The following SRSF11 variants were observed in gnomAD, a reference collection of about 807,000 sequenced individuals.
The protein encoded by SRSF11 is serine and arginine rich splicing factor 11, also known as serine/arginine-rich splicing factor 11.
Under a neutral mutation model 56.0 loss-of-function variants are expected in SRSF11, and 9 were observed. The ratio of observed to expected loss-of-function variants is 0.16; its 90% CI spans 0.10 to 0.28. SRSF11 has a LOEUF of 0.28. SRSF11 is among the 10% of genes least tolerant of loss of function. The pLI, the probability that SRSF11 is intolerant of heterozygous loss-of-function variation, is 1.00. For synonymous variants in SRSF11, 222 were observed against 215.3 expected (o/e 1.03, Z -0.27); for missense variants, 421 against 600.7 (o/e 0.70, Z 3.13).
chr1:70,228,434 G>T lies in SRSF11; in HGVS notation c.216G>T (p.Leu72Phe), dbSNP rs1475436202. Residue 72 changes from leucine to phenylalanine, a missense_variant, in exon 2 of 12, where the codon TTG becomes TTT. Physicochemically the swap from Leu to Phe is conservative, Grantham distance 22 (BLOSUM62 0). Coordinates refer to ENST00000370949, the MANE Select transcript of SRSF11 (RefSeq NM_001350605.2). ...GTTTATTTTTTAGTGATTCGCCTTTGCCAGTCTCATCTCGTGTCTGCTTTG... is the reference window on the plus strand; with the variant it reads ...GTTTATTTTTTAGTGATTCGCCTTTTCCAGTCTCATCTCGTGTCTGCTTTG... ...LRLFPPDDSP[L>F]PVSSRVCFVK... 2 of 1,608,430 alleles carry T rather than the reference G, an allele frequency of 1.2e-6. No homozygotes were observed. Among genetic ancestry groups the T allele is most frequent in the Non-Finnish European group, 1.7e-6 (2 of 1,177,452 alleles).
At position 70,221,627 on chromosome 1, in the gene SRSF11, G is replaced by C. The variant is rs566555479; in HGVS notation, c.-10G>C. On this transcript the variant is annotated 5_prime_UTR_variant, in exon 1 of 12. Coordinates refer to ENST00000370949, the MANE Select transcript of SRSF11 (RefSeq NM_001350605.2). ...TGTGTTAAAGCAGGAGCGAGAACCCGAGCAGCGCCATGAGCAACACTACCG... is the reference window on the plus strand; with the variant it reads ...TGTGTTAAAGCAGGAGCGAGAACCCCAGCAGCGCCATGAGCAACACTACCG... 33 of 1,606,438 alleles carry C rather than the reference G, an allele frequency of 2.1e-5. No homozygotes were observed. In the South Asian group the frequency reaches 3.1e-4, roughly 15 times the overall value.
chr1:70,233,218 T>G (rs940531134), intron 3 of SRSF11, among the ~76,000 whole-genome samples: 7 of 152,086 alleles, frequency 4.6e-5, no homozygotes, highest in Non-Finnish European at 1.0e-4. Context: ...TTGTTTTGTT[T>G]TTTTTTGTTT....
intron 1 of SRSF11, among the ~76,000 whole-genome samples, chr1:70,222,079 C>T (rs1376229549): frequency 6.6e-6 from 1 of 151,614 alleles, no homozygotes; most frequent in Non-Finnish European, 1.5e-5. Context: ...TTTTTTTTTC[C>T]GCCTTAAATT....
intron 10 of SRSF11, 50 bp from the exon 11 acceptor site, chr1:70,250,315 A>T: frequency 2.5e-6 from 4 of 1,596,304 alleles, no homozygotes; most frequent in Non-Finnish European, 3.4e-6. Context: ...AGTCAGGCTC[A>T]TCATCTAAAC....
chr1:70,221,397 C>A lies in SRSF11; in HGVS notation c.-240C>A. 1 of 528,916 alleles carries A rather than the reference C, an allele frequency of 1.9e-6. No individual in the cohort carries two copies. Among genetic ancestry groups the A allele is most frequent in the South Asian group, 2.6e-5 (1 of 37,962 alleles). The allele number at this position is 528,916 out of a possible 1,614,324, so 32.8% of individuals were successfully genotyped here. ...GGCCCGCTAGTGTCGTGGTTGGAGG[C>A]GAGGTGGGGCGGCCGTTTGTTTTCT... is the stretch of plus-strand genomic sequence containing the variant. On this transcript the variant is annotated 5_prime_UTR_variant, in exon 1 of 12. Transcript: ENST00000370949.
intron 1 of SRSF11, among the ~76,000 whole-genome samples, chr1:70,206,512 C>T (rs915828034): frequency 5.3e-5 from 8 of 152,046 alleles, no homozygotes; most frequent in African/African-American, 1.7e-4. Context: ...AAATTTTCAT[C>T]TGAAATGTAC....
At chr1:70,206,418 C>T (rs1669029023) in intron 1 of SRSF11, among the ~76,000 whole-genome samples, 1 of 151,816 alleles carries the variant, frequency 6.6e-6, no homozygotes, top group Non-Finnish European at 1.5e-5. Flanking sequence ...AAGATAAAAA[C>T]TAGAATCTTG....
chr1:70,234,859 A>T, intron 4 of SRSF11, 71 bp downstream of exon 4: 3 of 1,301,020 alleles, frequency 2.3e-6, no homozygotes, highest in Non-Finnish European at 3.2e-6. Context: ...GTTGGTTTGC[A>T]TTTCAAGAGC....
chr1:70,243,270 C>G (rs539404951), intron 7 of SRSF11, among the ~76,000 whole-genome samples: 7 of 132,228 alleles, frequency 5.3e-5, no homozygotes, highest in Non-Finnish European at 9.3e-5. Flanking sequence ...TAGGAAAACT[C>G]AGTCCTGACT....
chr1:70,207,476 T>C (rs1669152493), intron 1 of SRSF11, among the ~76,000 whole-genome samples: 1 of 152,128 alleles, frequency 6.6e-6, no homozygotes, highest in African/African-American at 2.4e-5. Flanking sequence ...CCTTTCTTTT[T>C]AATCACCATG....
At chr1:70,209,566 C>G (rs896421304) in intron 1 of SRSF11, among the ~76,000 whole-genome samples, 12 of 151,956 alleles carry the variant, frequency 7.9e-5, no homozygotes, top group African/African-American at 2.7e-4. Flanking sequence ...GCTATCATTG[C>G]CAACTTTAAG....
chr1:70,247,598 T>C (rs1173697560), intron 9 of SRSF11, among the ~76,000 whole-genome samples: 1 of 152,054 alleles, frequency 6.6e-6, no homozygotes, highest in East Asian at 1.9e-4. Context: ...GCCAAAACTA[T>C]AAAACCTTTA....
upstream of SRSF11, among the ~76,000 whole-genome samples, chr1:70,219,611 C>T (rs144718416): frequency 2.7e-4 from 41 of 152,314 alleles, no homozygotes; most frequent in African/African-American, 8.9e-4. Context: ...TTTGAGCATC[C>T]TCTGGTTCTG....
chr1:70,249,088 A>T (rs1677399444), intron 9 of SRSF11: 1 of 151,928 alleles, frequency 6.6e-6, no homozygotes, highest in African/African-American at 2.4e-5. Context: ...AGTAAAAAGG[A>T]GGGGAAGGCT....
chr1:70,222,461 G>C (rs372031176), intron 1 of SRSF11, among the ~76,000 whole-genome samples: 1 of 152,174 alleles, frequency 6.6e-6, no homozygotes, highest in Non-Finnish European at 1.5e-5. Context: ...AGTTGTTCTT[G>C]AGAAGGATTT....
intron 2 of SRSF11, chr1:70,228,802 G>T: frequency 8.8e-7 from 1 of 1,139,988 alleles, no homozygotes; most frequent in Non-Finnish European, 1.1e-6. Flanking sequence ...TTAAAACCAT[G>T]TCCCTTATTG....
chr1:70,234,576 G>A (rs942398036), intron 3 of SRSF11, 120 bp from the exon 4 acceptor site: 12 of 699,074 alleles, frequency 1.7e-5, no homozygotes, highest in Middle Eastern at 4.4e-4. Flanking sequence ...GGAGTTGTAC[G>A]GAGACCATGT....
chr1:70,238,301 C>T (rs1476179523), intron 6 of SRSF11, among the ~76,000 whole-genome samples: 2 of 152,098 alleles, frequency 1.3e-5, no homozygotes, highest in East Asian at 1.9e-4. Context: ...TATGACACAC[C>T]GTGTTCTAAC....
chr1:70,226,775 G>A (rs1443833553), intron 1 of SRSF11, among the ~76,000 whole-genome samples: 1 of 152,212 alleles, frequency 6.6e-6, no homozygotes, highest in Non-Finnish European at 1.5e-5. Flanking sequence ...CACACCTGCA[G>A]CCCCATCTAT....
Sources: gnomAD v4.1 joint callset for allele counts (sites outside exome capture counted in the v4.1 genomes callset) on GRCh38, gnomAD v4.1.1 for gene constraint, MANE v1.5 for transcripts, NCBI Gene and HGNC (gene_info 2026-07-23, HGNC 2026-07-21) for gene names.